The following FAM120B variants were observed in gnomAD, a reference collection of about 807,000 sequenced individuals.
FAM120B encodes the protein family with sequence similarity 120 member B.
FAM120B carries 83 observed loss-of-function variants against 96.3 expected under a neutral mutation model. The ratio of observed to expected loss-of-function variants is 0.86; its 90% CI spans 0.72 to 1.03. The LOEUF (loss-of-function observed/expected upper bound fraction) is 1.03, where lower values mean the gene tolerates loss of function less well. FAM120B is among the 50% of genes least tolerant of loss of function. The pLI is 0.00. For synonymous variants in FAM120B, 407 were observed against 402.7 expected (o/e 1.01, Z -0.13); for missense variants, 1,027 against 1,121.2 (o/e 0.92, Z 1.20).
chr6:170,302,884 C>T (rs1784171539), upstream of FAM120B, among the ~76,000 whole-genome samples: 2 of 152,170 alleles, frequency 1.3e-5, no homozygotes, highest in Admixed American at 1.3e-4. Flanking sequence ...TTTCTGCATG[C>T]AACTTTTCTT....
chr6:170,399,066 A>T (rs1023189194), intron 9 of FAM120B, among the ~76,000 whole-genome samples: 16 of 146,288 alleles, frequency 1.1e-4, no homozygotes, highest in African/African-American at 1.0e-4. Flanking sequence ...GGGAAGGTAG[A>T]ACTATGTCAT....
intron 5 of FAM120B, among the ~76,000 whole-genome samples, chr6:170,353,805 A>G (rs1258964457): frequency 6.6e-6 from 1 of 152,256 alleles, no homozygotes; most frequent in African/African-American, 2.4e-5. Context: ...TTCCATGCTC[A>G]TGGATAGGAA....
chr6:170,396,304 T>C (rs1458838076), intron 9 of FAM120B, among the ~76,000 whole-genome samples: 4 of 152,158 alleles, frequency 2.6e-5, no homozygotes, highest in Admixed American at 1.3e-4. Flanking sequence ...CCAGTTGACC[T>C]TTGGGGTCTG....
At chr6:170,329,142 C>T (rs939344443) in intron 3 of FAM120B, among the ~76,000 whole-genome samples, 2 of 152,210 alleles carry the variant, frequency 1.3e-5, no homozygotes, top group African/African-American at 4.8e-5. Flanking sequence ...GCTCTCTCTT[C>T]AGCCAGAGTC....
chr6:170,293,073 C>T (rs1051235355), upstream of FAM120B, among the ~76,000 whole-genome samples: 19 of 152,156 alleles, frequency 1.2e-4, no homozygotes, highest in African/African-American at 4.6e-4. Context: ...AATCTTGCCA[C>T]CTAGTGTCAG....
chr6:170,384,920 C>A (rs1790107217), intron 6 of FAM120B, among the ~76,000 whole-genome samples: 1 of 152,232 alleles, frequency 6.6e-6, no homozygotes, highest in African/African-American at 2.4e-5. Context: ...CTCTCAAGAG[C>A]TGATAGGACA....
At chr6:170,332,629 C>T (rs932796214) in intron 4 of FAM120B, among the ~76,000 whole-genome samples, 4 of 151,848 alleles carry the variant, frequency 2.6e-5, no homozygotes, top group Non-Finnish European at 4.4e-5. Flanking sequence ...ACCCTGGAGG[C>T]GGAGGTTGCA....
chr6:170,304,064 T>A (rs1784200579), upstream of FAM120B, among the ~76,000 whole-genome samples: 1 of 152,220 alleles, frequency 6.6e-6, no homozygotes, highest in Admixed American at 6.5e-5. Context: ...GGACTTCCTG[T>A]TTTTTAGGTC....
At chr6:170,404,376 A>C in intron 9 of FAM120B, 174 bp from the exon 10 acceptor site, 1 of 531,410 alleles carries the variant, frequency 1.9e-6, no homozygotes. Context: ...CTTTAATGGA[A>C]TAATTATGGA....
At chr6:170,306,068 T>C (rs1388776429), upstream of FAM120B, among the ~76,000 whole-genome samples, 1 of 152,186 alleles carries the variant, frequency 6.6e-6, no homozygotes, top group Non-Finnish European at 1.5e-5. Context: ...TCTCTCTCCT[T>C]GGAATTCTCT....
chr6:170,344,520 G>A (rs971728213), intron 4 of FAM120B, among the ~76,000 whole-genome samples: 3 of 146,578 alleles, frequency 2.0e-5, no homozygotes, highest in African/African-American at 5.1e-5. Flanking sequence ...TTGGAAGAAC[G>A]GATGAAATCG....
chr6:170,345,966 G>A (rs983439703), intron 4 of FAM120B, among the ~76,000 whole-genome samples: 1 of 152,182 alleles, frequency 6.6e-6, no homozygotes, highest in Non-Finnish European at 1.5e-5. Context: ...GTGTCTCCCA[G>A]GCTGCAAACC....
chr6:170,295,588 C>T lies in FAM120B; in HGVS notation c.48+135C>T. The T allele has an allele frequency of 1.8e-6, 1 of 549,608 alleles. No homozygotes were observed. The highest frequency in any genetic ancestry group is 3.2e-6 in the Non-Finnish European group (1 of 315,282). 34.0% of individuals were successfully genotyped at this position (549,608 alleles called of 1,614,324 possible). On this transcript the variant is annotated intron_variant, in intron 1 of 10. Coordinates refer to the FAM120B transcript ENST00000537664. This position sits in a 1 kb window ranked among gnomAD's most constrained non-coding sequence, Gnocchi z 7.8. ...ACGGTGGGGGCACAAGAACAGCAGC[C>T]GGGGGCGAAGGAATCAGCCCCGCAG... is the stretch of plus-strand genomic sequence containing the variant.
At chr6:170,345,147 G>A (rs1787092983) in intron 4 of FAM120B, among the ~76,000 whole-genome samples, 1 of 152,198 alleles carries the variant, frequency 6.6e-6, no homozygotes, top group South Asian at 2.1e-4. Context: ...AAGGCTGGAA[G>A]GCTTTTATCA....
intron 4 of FAM120B, among the ~76,000 whole-genome samples, chr6:170,339,507 G>T (rs2115102820): frequency 6.6e-6 from 1 of 152,000 alleles, no homozygotes; most frequent in Admixed American, 6.5e-5. Context: ...AGAATGTCGG[G>T]GCCAGGCGGG....
At chr6:170,297,886 T>C (rs1210046277) in intron 1 of FAM120B, 2 of 152,272 alleles carry the variant, frequency 1.3e-5, no homozygotes, top group African/African-American at 4.8e-5. Context: ...TTCCCATTTA[T>C]CTTTTTGTTT....
chr6:170,322,207 G>A (rs1785335697), intron 2 of FAM120B, among the ~76,000 whole-genome samples: 1 of 152,210 alleles, frequency 6.6e-6, no homozygotes, highest in African/African-American at 2.4e-5. Context: ...CCTGGCACAT[G>A]GTTTTTCACT....
intron 1 of FAM120B, among the ~76,000 whole-genome samples, chr6:170,301,509 C>T (rs1784140678): frequency 7.2e-6 from 1 of 138,656 alleles, no homozygotes; most frequent in Non-Finnish European, 1.7e-5. Flanking sequence ...CTTCTCATTG[C>T]TTATGCAAAT....
chr6:170,318,480 G>A lies in FAM120B; in HGVS notation c.1090G>A (p.Glu364Lys). ...PMCTGPESRREVPVYTDSEPR... is the reference protein window; with the variant it reads ...PMCTGPESRRKVPVYTDSEPR... ...GTGTACAGGCCCTGAATCCAGGCGA[G>A]AAGTTCCCGTGTATACAGATTCTGA... The change falls in exon 2 of 11, where the codon GAA becomes AAA. Residue 364 changes from glutamate to lysine, a missense_variant. Physicochemically the swap from Glu to Lys is moderately conservative, Grantham distance 56. Coordinates refer to ENST00000476287, the MANE Select transcript of FAM120B (RefSeq NM_032448.3). The A allele has an allele frequency of 6.3e-7, 1 of 1,586,984 alleles. No individual in the cohort carries two copies.
Sources: gnomAD v4.1 joint callset for allele counts (sites outside exome capture counted in the v4.1 genomes callset) on GRCh38, gnomAD v4.1.1 for gene constraint, Gnocchi (gnomAD v3.1) non-coding constraint, MANE v1.5 for transcripts, NCBI Gene and HGNC (gene_info 2026-07-23, HGNC 2026-07-21) for gene names.